The following ZRANB3 variants were observed in gnomAD, a reference collection of about 807,000 sequenced individuals.
The protein encoded by ZRANB3 is DNA annealing helicase and endonuclease ZRANB3.
Under a neutral mutation model 133.8 loss-of-function variants are expected in ZRANB3, and 125 were observed. The ratio of observed to expected loss-of-function variants is 0.93; its 90% confidence interval spans 0.81 to 1.08. The LOEUF (loss-of-function observed/expected upper bound fraction) is 1.08. ZRANB3 is among the 50% of genes least tolerant of loss of function. The probability of loss-of-function intolerance (pLI) is 0.00; values close to 1 mark genes in which losing one functional copy is unlikely to be tolerated. For missense variants in ZRANB3, 1,229 were observed against 1,275.5 expected (o/e 0.96, Z 0.56); for synonymous variants, 387 against 432.7 (o/e 0.89, Z 1.31).
intron 2 of ZRANB3, among the ~76,000 whole-genome samples, chr2:135,456,735 T>C (rs1690536031): frequency 6.6e-6 from 1 of 152,178 alleles, no homozygotes; most frequent in South Asian, 2.1e-4. Flanking sequence ...AAGAATTTTT[T>C]ACGTGGATAC....
At chr2:135,389,175 A>G (rs1415246158) in intron 3 of ZRANB3, among the ~76,000 whole-genome samples, 3 of 152,182 alleles carry the variant, frequency 2.0e-5, no homozygotes, top group Admixed American at 6.5e-5. Context: ...TTGTTTCCCA[A>G]ATGTCTATGT....
intron 1 of ZRANB3, among the ~76,000 whole-genome samples, chr2:135,530,327 G>A (rs1694458140): frequency 6.6e-6 from 1 of 152,138 alleles, no homozygotes; most frequent in East Asian, 1.9e-4. Flanking sequence ...TACAAATTTA[G>A]CCGTGCAATC....
At chr2:135,509,017 A>G (rs1332153838) in intron 1 of ZRANB3, among the ~76,000 whole-genome samples, 1 of 152,154 alleles carries the variant, frequency 6.6e-6, no homozygotes, top group African/African-American at 2.4e-5. Context: ...GAGCCTATCA[A>G]AATGAAACCA....
chr2:135,376,481 T>A (rs1412803367), intron 3 of ZRANB3, among the ~76,000 whole-genome samples: 2 of 152,180 alleles, frequency 1.3e-5, no homozygotes, highest in African/African-American at 4.8e-5. Flanking sequence ...CTGTGGTACA[T>A]CCATACAATG....
At chr2:135,478,976 G>A (rs2104789667) in intron 2 of ZRANB3, among the ~76,000 whole-genome samples, 1 of 151,804 alleles carries the variant, frequency 6.6e-6, no homozygotes, top group East Asian at 1.9e-4. Context: ...ATACCTACAG[G>A]AAGGATTACT....
At chr2:135,330,631 C>G (rs1042871214) in intron 6 of ZRANB3, among the ~76,000 whole-genome samples, 1 of 152,124 alleles carries the variant, frequency 6.6e-6, no homozygotes, top group Non-Finnish European at 1.5e-5. Flanking sequence ...AGGAATGGCA[C>G]GAGCTCCTCT....
At position 135,250,933 on chromosome 2, in the gene ZRANB3, C is replaced by A. The variant is rs185254275; in HGVS notation, c.1539+14601G>T. ...CTGTGAAAAGAGGGCCACCTGTCCTCCAGACCCCAGAATGGTAGATCCACT... is the reference window on the plus strand; with the variant it reads ...CTGTGAAAAGAGGGCCACCTGTCCTACAGACCCCAGAATGGTAGATCCACT... On this transcript the variant is annotated intron_variant, in intron 12 of 20. Coordinates refer to ENST00000264159, the MANE Select transcript of ZRANB3 (RefSeq NM_032143.4). Among the ~76,000 whole-genome samples the A allele has an allele frequency of 2.8e-3, 433 of 152,322 alleles. 2 individuals carry two copies. The highest frequency in any genetic ancestry group is 3.5e-3 in the Non-Finnish European group (238 of 68,042).
chr2:135,365,186 T>A (rs62172191), intron 3 of ZRANB3, among the ~76,000 whole-genome samples: 1 of 151,750 alleles, frequency 6.6e-6, no homozygotes, highest in African/African-American at 2.4e-5. Context: ...GGAATTGCTT[T>A]AACCCAGGAG....
intron 2 of ZRANB3, among the ~76,000 whole-genome samples, chr2:135,499,373 T>G (rs1352939686): frequency 6.6e-6 from 1 of 152,158 alleles, no homozygotes; most frequent in Non-Finnish European, 1.5e-5. Context: ...AATCTCTGCT[T>G]ATCAGAAGAC....
At chr2:135,212,980 A>G (rs1195260177) in intron 17 of ZRANB3, among the ~76,000 whole-genome samples, 3 of 152,164 alleles carry the variant, frequency 2.0e-5, no homozygotes, top group Admixed American at 6.5e-5. Flanking sequence ...TCAAATGTAA[A>G]AGTGAGACAT....
chr2:135,220,790 G>C (rs1329468724), intron 15 of ZRANB3, among the ~76,000 whole-genome samples: 1 of 151,688 alleles, frequency 6.6e-6, no homozygotes, highest in Non-Finnish European at 1.5e-5. Flanking sequence ...ATATGACACA[G>C]GATGCTAAAT....
intron 2 of ZRANB3, among the ~76,000 whole-genome samples, chr2:135,443,349 T>C (rs1689870810): frequency 1.5e-5 from 1 of 67,358 alleles, no homozygotes; most frequent in Non-Finnish European, 2.9e-5. Flanking sequence ...AATGGGAGTG[T>C]CGGGGGGGAC....
At chr2:135,226,583 T>C (rs925573430) in intron 14 of ZRANB3, among the ~76,000 whole-genome samples, 6 of 152,182 alleles carry the variant, frequency 3.9e-5, no homozygotes, top group African/African-American at 1.4e-4. Flanking sequence ...GAACAAAACT[T>C]CAAAGTGATT....
intron 5 of ZRANB3, among the ~76,000 whole-genome samples, chr2:135,348,501 C>T (rs965267688): frequency 2.0e-5 from 3 of 152,134 alleles, no homozygotes; most frequent in African/African-American, 7.2e-5. Flanking sequence ...GTAAGAGCCA[C>T]TGTTGTACTG....
In ZRANB3 at chr2:135,432,023, G is replaced by A. The variant is rs1012084694; in HGVS notation, c.162-41203C>T. 1.1e-4 allele frequency among the ~76,000 whole-genome samples: 17 copies of A among 152,274 alleles called. No individual in the cohort carries two copies. In the East Asian group the frequency reaches 3.1e-3, roughly 28 times the overall value. ...CCCAGCACTTTGGGAGGCTGAGACG[G>A]GTGGATCACCTGAGGCTGGGAGTTC... On this transcript the variant is annotated intron_variant, in intron 2 of 20. Coordinates refer to ENST00000264159, the MANE Select transcript of ZRANB3 (RefSeq NM_032143.4).
chr2:135,281,989 T>C (rs1354951829), intron 8 of ZRANB3, among the ~76,000 whole-genome samples: 1 of 152,226 alleles, frequency 6.6e-6, no homozygotes, highest in Non-Finnish European at 1.5e-5. Context: ...TTCTTTAACT[T>C]AGTGTAATGG....
chr2:135,245,778 T>C (rs1467196405), intron 12 of ZRANB3, among the ~76,000 whole-genome samples: 2 of 142,240 alleles, frequency 1.4e-5, no homozygotes, highest in Non-Finnish European at 3.0e-5. Context: ...AATACAAAAA[T>C]AGCCGGGCAT....
At chr2:135,265,823 G>A in intron 11 of ZRANB3, 137 bp from the exon 12 acceptor site, 1 of 926,816 alleles carries the variant, frequency 1.1e-6, no homozygotes, top group East Asian at 2.7e-5. Flanking sequence ...ATGGGCTTTA[G>A]TAATATAATT....
intron 1 of ZRANB3, among the ~76,000 whole-genome samples, chr2:135,517,815 G>T (rs181823365): frequency 7.2e-4 from 109 of 152,284 alleles, no homozygotes; most frequent in African/African-American, 2.4e-3. Flanking sequence ...TGCTCTCTTC[G>T]GAGCCAACAG....
Sources: gnomAD v4.1 joint callset for allele counts (sites outside exome capture counted in the v4.1 genomes callset) on GRCh38, gnomAD v4.1.1 for gene constraint, MANE v1.5 for transcripts, NCBI Gene and HGNC (gene_info 2026-07-23, HGNC 2026-07-21) for gene names.